The following HSD17B12 variants were observed in gnomAD, a reference collection of about 807,000 sequenced individuals.
HSD17B12 encodes very-long-chain 3-oxoacyl-CoA reductase.
In HSD17B12, 32 loss-of-function variants were observed where a neutral mutation model predicts 39.3. That is an observed-to-expected ratio of 0.81 (90% CI 0.61 to 1.09). HSD17B12 has a LOEUF of 1.09. HSD17B12 is among the 50% of genes least tolerant of loss of function. The pLI is 0.00. For missense variants in HSD17B12, 342 were observed against 382.9 expected (o/e 0.89, Z 0.89); for synonymous variants, 150 against 146.7 (o/e 1.02, Z -0.16).
intron 1 of HSD17B12, among the ~76,000 whole-genome samples, chr11:43,705,969 C>A (rs1950011061): frequency 6.6e-6 from 1 of 151,614 alleles, no homozygotes; most frequent in East Asian, 1.9e-4. Flanking sequence ...CACTATATTG[C>A]CTAGGCTGGT....
At chr11:43,671,236 C>T in the HSD17B12 span, among the ~76,000 whole-genome samples, 2 of 152,166 alleles carry the variant, frequency 1.3e-5, no homozygotes, top group East Asian at 3.8e-4. Context: ...GCCATCTTGG[C>T]TCCTGGGTTC....
chr11:43,612,721 A>G, the HSD17B12 span, among the ~76,000 whole-genome samples: 3 of 152,260 alleles, frequency 2.0e-5, no homozygotes, highest in Admixed American at 6.5e-5. Context: ...AAGATGATGC[A>G]TAAGAAAATG....
chr11:43,796,161 G>T (rs142122549), intron 3 of HSD17B12, among the ~76,000 whole-genome samples: 2 of 152,152 alleles, frequency 1.3e-5, no homozygotes, highest in African/African-American at 2.4e-5. Flanking sequence ...AACTCACACC[G>T]TTTATTAGGC....
At chr11:43,788,685 CAAAAAAAAAAAA>C (rs57970272) in intron 3 of HSD17B12, among the ~76,000 whole-genome samples, 2 of 100,918 alleles carry the variant, frequency 2.0e-5, no homozygotes, top group African/African-American at 4.1e-5. Flanking sequence ...TTTCCTTCCT[CAAAAAAAAAAAA>C]AAAAAAAAAA....
intron 6 of HSD17B12, chr11:43,830,508 A>C (rs1047816475): frequency 1.3e-5 from 2 of 152,400 alleles, no homozygotes; most frequent in African/African-American, 4.8e-5. Flanking sequence ...AGTTACACTT[A>C]CTCTTTGCCA....
chr11:43,676,251 G>A (rs1472225426), upstream of HSD17B12, among the ~76,000 whole-genome samples: 1 of 142,504 alleles, frequency 7.0e-6, no homozygotes, highest in African/African-American at 2.7e-5. Flanking sequence ...GTTAAGCGTA[G>A]AGTTCTATTC....
At chr11:43,696,951 A>G (rs1164624591) in intron 1 of HSD17B12, among the ~76,000 whole-genome samples, 1 of 151,186 alleles carries the variant, frequency 6.6e-6, no homozygotes, top group Non-Finnish European at 1.5e-5. Context: ...CATAAGTGAG[A>G]GTTGAACAAT....
intron 4 of HSD17B12, among the ~76,000 whole-genome samples, chr11:43,809,870 C>T (rs987577034): frequency 2.0e-5 from 3 of 152,122 alleles, no homozygotes; most frequent in Admixed American, 1.3e-4. Flanking sequence ...TTTTTATTAA[C>T]TCTAAGTGCT....
chr11:43,702,365 G>A (rs1008138182), intron 1 of HSD17B12, among the ~76,000 whole-genome samples: 14 of 152,276 alleles, frequency 9.2e-5, no homozygotes, highest in African/African-American at 4.8e-5. Context: ...CCAGTACTAT[G>A]TTGAATAACA....
intron 3 of HSD17B12, among the ~76,000 whole-genome samples, chr11:43,770,417 G>A (rs1950637903): frequency 6.6e-6 from 1 of 152,124 alleles, no homozygotes; most frequent in African/African-American, 2.4e-5. Flanking sequence ...CTTAAGTAAT[G>A]GACTTGGCAC....
chr11:43,815,587 G>C (rs1312751245), intron 5 of HSD17B12, 86 bp downstream of exon 5: 5 of 769,706 alleles, frequency 6.5e-6, no homozygotes, highest in Non-Finnish European at 1.1e-5. Context: ...CTGGAGTCCA[G>C]CTGCCTGTGG....
At chr11:43,557,013 G>T in the HSD17B12 span, 32 of 152,268 alleles carry the variant, frequency 2.1e-4, no homozygotes, top group Non-Finnish European at 3.5e-4. Context: ...AGTTTATGAT[G>T]TCAGTTGGTG....
rs116655035 is a variant in HSD17B12, at chr11:43,712,712, G to A, written c.160+31725G>A. Among the ~76,000 whole-genome samples the A allele has an allele frequency of 6.4e-3, 967 of 152,128 alleles. 16 individuals are homozygous for A. Among genetic ancestry groups the A allele is most frequent in the African/African-American group, 0.022 (902 of 41,506 alleles). ...GGTACAGCTTCTGAGGCTGTGTCATGGGTGCGTCCTTAACGTTGGCAAAAT... is the reference window on the plus strand; with the variant it reads ...GGTACAGCTTCTGAGGCTGTGTCATAGGTGCGTCCTTAACGTTGGCAAAAT... On this transcript the variant is annotated intron_variant, in intron 1 of 10. Coordinates refer to ENST00000278353, the MANE Select transcript of HSD17B12 (RefSeq NM_016142.3).
chr11:43,606,546 C>T, the HSD17B12 span, among the ~76,000 whole-genome samples: 1 of 152,248 alleles, frequency 6.6e-6, no homozygotes, highest in African/African-American at 2.4e-5. Flanking sequence ...ACAAGCTCAA[C>T]TGTCATTGTC....
chr11:43,760,201 T>C (rs182477216), intron 3 of HSD17B12, among the ~76,000 whole-genome samples: 1 of 151,852 alleles, frequency 6.6e-6, no homozygotes, highest in Non-Finnish European at 1.5e-5. Flanking sequence ...CCCAGCCTAA[T>C]TTTTTTGTTT....
At position 43,798,396 on chromosome 11, in the gene HSD17B12, A is replaced by C. The variant is rs1467850836; in HGVS notation, c.360A>C (p.Thr120=). ...ASEDIYDKIK[T]GLAGLEIGIL... Reference sequence around the variant, plus strand: ...AAGATATTTATGATAAAATTAAAACAGGCTTGGCTGGTCTTGAAATCGGCA... The same window carrying C: ...AAGATATTTATGATAAAATTAAAACCGGCTTGGCTGGTCTTGAAATCGGCA... The change falls in exon 4 of 11, where the codon ACA becomes ACC. Residue 120 remains threonine (T), a synonymous_variant. Transcript: ENST00000278353. 1 of 1,611,982 alleles carries C rather than the reference A, an allele frequency of 6.2e-7. No homozygotes were observed. Among genetic ancestry groups the C allele is most frequent in the Admixed American group, 1.7e-5 (1 of 59,890 alleles).
At chr11:43,754,797 C>T in intron 3 of HSD17B12, 1 of 725,956 alleles carries the variant, frequency 1.4e-6, no homozygotes, top group Non-Finnish European at 2.5e-6. Flanking sequence ...AAATGTATAA[C>T]ACATATGTGT....
At chr11:43,819,762 C>G (rs980219599) in intron 6 of HSD17B12, among the ~76,000 whole-genome samples, 1 of 152,130 alleles carries the variant, frequency 6.6e-6, no homozygotes, top group African/African-American at 2.4e-5. Flanking sequence ...AACTGGATAT[C>G]TACTTACAAT....
At chr11:43,729,050 C>T (rs1035037245) in intron 1 of HSD17B12, among the ~76,000 whole-genome samples, 1 of 152,004 alleles carries the variant, frequency 6.6e-6, no homozygotes, top group African/African-American at 2.4e-5. Flanking sequence ...CTTATGGTTT[C>T]AATGTTGGTA....
Sources: gnomAD v4.1 joint callset for allele counts (sites outside exome capture counted in the v4.1 genomes callset) on GRCh38, gnomAD v4.1.1 for gene constraint, MANE v1.5 for transcripts, NCBI Gene and HGNC (gene_info 2026-07-23, HGNC 2026-07-21) for gene names.